The following FAR1 variants were observed in gnomAD, a reference collection of about 807,000 sequenced individuals.
FAR1 encodes fatty acyl-CoA reductase 1.
Under a neutral mutation model 61.1 loss-of-function variants are expected in FAR1, and 22 were observed. The observed-to-expected ratio is 0.36, with a 90% CI of 0.26 to 0.51. The LOEUF (loss-of-function observed/expected upper bound fraction) is 0.51. Ranked by LOEUF, FAR1 falls within the 20% of genes least tolerant of loss-of-function variation. FAR1 has a pLI of 0.95. For missense variants in FAR1, 359 were observed against 626.9 expected, an observed-to-expected ratio of 0.57 and a Z score of 4.56; for synonymous variants, 206 against 209.7, an observed-to-expected ratio of 0.98 and a Z score of 0.15.
chr11:13,719,163 TATC>T (rs1371025004), intron 9 of FAR1, among the ~76,000 whole-genome samples: 2 of 152,134 alleles, frequency 1.3e-5, no homozygotes, highest in Non-Finnish European at 2.9e-5. Context: ...ATGGAGATAA[TATC>T]ATAGGCACCT....
At chr11:13,683,161 G>A (rs752606359) in intron 1 of FAR1, among the ~76,000 whole-genome samples, 1 of 152,150 alleles carries the variant, frequency 6.6e-6, no homozygotes, top group Non-Finnish European at 1.5e-5. Flanking sequence ...GGGAGGCTGA[G>A]GCAGGTGGAT....
At chr11:13,714,395 A>G (rs1848532707) in intron 8 of FAR1, 114 bp from the exon 9 acceptor site, 6 of 1,056,754 alleles carry the variant, frequency 5.7e-6, no homozygotes, top group Non-Finnish European at 8.0e-6. Context: ...TTTTAAATGT[A>G]CGAACTCTGA....
In FAR1 at chr11:13,721,882, A is replaced by G. The variant is rs529821201; in HGVS notation, c.1257+23A>G. ...AAGGCAAGCAAGTATTTTCTGTTTT[A>G]TATTAGAAAATAAGTAGCATACTAA... is the stretch of plus-strand genomic sequence containing the variant. On this transcript the variant is annotated intron_variant, in intron 10 of 11. Coordinates refer to ENST00000354817, the MANE Select transcript of FAR1 (RefSeq NM_032228.6). This position sits in a 1 kb window ranked among gnomAD's most constrained non-coding sequence, Gnocchi z 4.2. The G allele has an allele frequency of 2.9e-5, 45 of 1,567,220 alleles. No individual in the cohort carries two copies. In the South Asian group the frequency reaches 5.2e-4, roughly 18 times the overall value.
intron 10 of FAR1, among the ~76,000 whole-genome samples, chr11:13,725,748 G>C (rs900387393): frequency 6.6e-6 from 1 of 152,042 alleles, no homozygotes; most frequent in Admixed American, 6.5e-5. Context: ...TATGTCTTTT[G>C]TAAGCAGCAT....
intron 3 of FAR1, 84 bp from the exon 4 acceptor site, chr11:13,707,816 A>G: frequency 3.9e-6 from 4 of 1,016,854 alleles, no homozygotes; most frequent in Non-Finnish European, 5.3e-6. Context: ...CTGTCTCTCT[A>G]CTTCTCTAAT....
intron 1 of FAR1, chr11:13,669,586 AGTT>A (rs1300350772): frequency 3.3e-5 from 5 of 152,254 alleles, no homozygotes; most frequent in Admixed American, 3.3e-4. Context: ...TTTTATGAGT[AGTT>A]GAGCAAGAAC....
At chr11:13,678,532 G>T (rs1848091860) in intron 1 of FAR1, among the ~76,000 whole-genome samples, 1 of 152,130 alleles carries the variant, frequency 6.6e-6, no homozygotes, top group Non-Finnish European at 1.5e-5. Context: ...CCAAAGTGCT[G>T]GGGTTACAGG....
In FAR1 at chr11:13,731,363, A is replaced by G. The variant is rs945766583; in HGVS notation, c.*2589A>G. Reference sequence around the variant, plus strand: ...CCCCTTTTTTGTGTTGTCTATAGGAATTAACTTGGGATTGTTTTGTGGGTT... The same window carrying G: ...CCCCTTTTTTGTGTTGTCTATAGGAGTTAACTTGGGATTGTTTTGTGGGTT... On this transcript the variant is annotated 3_prime_UTR_variant, in exon 12 of 12. Transcript: ENST00000354817. 7.2e-5 allele frequency: 11 copies of G among 152,650 alleles called. No homozygotes were observed. The highest frequency in any genetic ancestry group is 2.1e-4 in the South Asian group (1 of 4,832). The allele number at this position is 152,650 out of a possible 1,614,324, so 9.5% of individuals were successfully genotyped here.
rs1848718732 is a variant in FAR1 at position 13,730,946 on chromosome 11, T to C, written c.*2172T>C. The stretch of plus-strand genomic sequence containing the variant: ...AATCCCCACCAGCTAGACTTTGAAC[T>C]TAAGTCAGACTTAAAGATTTGAGAA... On this transcript the variant is annotated 3_prime_UTR_variant, in exon 12 of 12. Transcript: ENST00000354817. 6.6e-6 allele frequency: 1 copy of C among 152,186 alleles called. No homozygotes were observed. Among genetic ancestry groups the C allele is most frequent in the South Asian group, 2.1e-4 (1 of 4,838 alleles). 9.4% of individuals were successfully genotyped at this position (152,186 alleles called of 1,614,324 possible). A position where few individuals can be genotyped will look rare whatever the true frequency, so the allele number is the denominator to read the frequency against.
chr11:13,673,942 A>T (rs542572935), intron 1 of FAR1, among the ~76,000 whole-genome samples: 1 of 152,306 alleles, frequency 6.6e-6, no homozygotes, highest in South Asian at 2.1e-4. Flanking sequence ...TAATTGAAAT[A>T]TATACTACCA....
intron 1 of FAR1, among the ~76,000 whole-genome samples, chr11:13,680,028 A>C (rs1377963646): frequency 6.6e-6 from 1 of 152,194 alleles, no homozygotes; most frequent in Non-Finnish European, 1.5e-5. Flanking sequence ...CATTATATCT[A>C]CTTCAATGGG....
chr11:13,683,041 C>A (rs1469320001), intron 1 of FAR1, among the ~76,000 whole-genome samples: 1 of 152,124 alleles, frequency 6.6e-6, no homozygotes, highest in African/African-American at 2.4e-5. Context: ...TCTTTCAGTA[C>A]TCCTACCATA....
At chr11:13,685,194 C>T (rs1848172645) in intron 1 of FAR1, among the ~76,000 whole-genome samples, 1 of 152,056 alleles carries the variant, frequency 6.6e-6, no homozygotes, top group South Asian at 2.1e-4. Context: ...TGACAGTAGA[C>T]TTTTCTCCCT....
intron 1 of FAR1, among the ~76,000 whole-genome samples, chr11:13,691,874 T>G (rs35207157): frequency 0.14 from 20,814 of 152,150 alleles, 1,950 homozygotes; most frequent in Non-Finnish European, 0.19. Context: ...TGCTCCAAAA[T>G]TCAAAACTTT....
intron 10 of FAR1, among the ~76,000 whole-genome samples, chr11:13,726,378 G>A (rs907624360): frequency 1.1e-4 from 16 of 151,982 alleles, no homozygotes; most frequent in African/African-American, 3.9e-4. Flanking sequence ...TTCTGCTGAT[G>A]TCAGATTGTC....
intron 9 of FAR1, among the ~76,000 whole-genome samples, chr11:13,719,491 A>C (rs1272154100): frequency 6.6e-6 from 1 of 152,188 alleles, no homozygotes; most frequent in Non-Finnish European, 1.5e-5. Flanking sequence ...CAGTCATGTC[A>C]TTCATTTCAT....
At chr11:13,694,673 T>C in intron 1 of FAR1, 86 bp from the exon 2 acceptor site, 5 of 1,179,926 alleles carry the variant, frequency 4.2e-6, no homozygotes, top group Non-Finnish European at 5.9e-6. Context: ...CTTTTTAAAA[T>C]ACTTATTTGA....
At chr11:13,686,882 T>G (rs1383291802) in intron 1 of FAR1, among the ~76,000 whole-genome samples, 1 of 152,144 alleles carries the variant, frequency 6.6e-6, no homozygotes, top group Non-Finnish European at 1.5e-5. Flanking sequence ...TTGAGTGGGG[T>G]GTTACCTTAG....
At chr11:13,676,326 A>G (rs1591253273) in intron 1 of FAR1, among the ~76,000 whole-genome samples, 1 of 152,168 alleles carries the variant, frequency 6.6e-6, no homozygotes, top group East Asian at 1.9e-4. Flanking sequence ...GCTCCTGTCC[A>G]TCCTGGATTA....
Sources: allele counts gnomAD v4.1 joint callset (sites outside exome capture counted in the v4.1 genomes callset), GRCh38; gene constraint gnomAD v4.1.1; non-coding constraint Gnocchi (gnomAD v3.1); transcripts MANE v1.5; gene names NCBI Gene and HGNC (gene_info 2026-07-23, HGNC 2026-07-21).